The following BRINP3 variants were observed in gnomAD, a reference collection of about 807,000 sequenced individuals.
BRINP3 encodes the protein BMP/retinoic acid-inducible neural-specific protein 3.
BRINP3 carries 19 observed loss-of-function variants against 71.0 expected under a neutral mutation model. That is an observed-to-expected ratio of 0.27 (90% CI 0.19 to 0.39). BRINP3 has a LOEUF of 0.39. BRINP3 is among the 10% of genes least tolerant of loss of function. BRINP3 has a pLI of 1.00. For missense variants in BRINP3, 959 were observed against 940.8 expected, an observed-to-expected ratio of 1.02 and a Z score of -0.25; for synonymous variants, 380 against 337.7, an observed-to-expected ratio of 1.13 and a Z score of -1.37.
At chr1:190,112,344 G>A (rs1293300972) in intron 7 of BRINP3, among the ~76,000 whole-genome samples, 1 of 152,084 alleles carries the variant, frequency 6.6e-6, no homozygotes, top group African/African-American at 2.4e-5. Flanking sequence ...GAGAGTATAT[G>A]CTATTTGCTT....
intron 5 of BRINP3, among the ~76,000 whole-genome samples, chr1:190,228,672 C>T (rs1280679159): frequency 6.6e-6 from 1 of 151,890 alleles, no homozygotes; most frequent in Non-Finnish European, 1.5e-5. Flanking sequence ...GGACGCAGCG[C>T]TCAAAACACT....
chr1:190,379,436 A>AG (rs1670378948), intron 2 of BRINP3, among the ~76,000 whole-genome samples: 2 of 152,166 alleles, frequency 1.3e-5, no homozygotes, highest in South Asian at 4.1e-4. Flanking sequence ...CTATGGAGGA[A>AG]GAAAAAAAAT....
intron 6 of BRINP3, among the ~76,000 whole-genome samples, chr1:190,215,348 T>A (rs2102664786): frequency 6.6e-6 from 1 of 151,970 alleles, no homozygotes; most frequent in African/African-American, 2.4e-5. Context: ...TACTTTACTG[T>A]CAAAGAAGGA....
At chr1:190,357,873 G>A (rs1028530577) in intron 2 of BRINP3, among the ~76,000 whole-genome samples, 4 of 151,872 alleles carry the variant, frequency 2.6e-5, no homozygotes, top group Non-Finnish European at 5.9e-5. Context: ...ACAACCATCT[G>A]ATCTTTGACA....
Position 190,264,919 on chromosome 1 carries a change from C to G in BRINP3, c.564G>C (p.Arg188Ser), listed in dbSNP as rs530069550. The change falls in exon 4 of 8, where the codon AGG becomes AGC. Residue 188 changes from arginine (R) to serine (S), a missense_variant. Transcript: ENST00000367462. The stretch of plus-strand genomic sequence containing the variant: ...GGTGAAGTCTCCGAAGGGTGCTGTC[C>G]CTGTCAATGAAATAAGAAGCGGCTA... ...HQLAASYFID[R>S]DSTLRRLHHI... is the part of the protein sequence containing the mutation. 2 of 1,613,686 alleles carry G rather than the reference C, an allele frequency of 1.2e-6. No homozygotes were observed. Among genetic ancestry groups the G allele is most frequent in the African/African-American group, 2.7e-5 (2 of 74,956 alleles).
intron 1 of BRINP3, chr1:190,474,703 A>G (rs1427453642): frequency 6.6e-6 from 1 of 152,196 alleles, no homozygotes; most frequent in Non-Finnish European, 1.5e-5. Context: ...TCCTGTTACA[A>G]GGAGGTTCCT....
chr1:190,137,502 G>T (rs187263488), intron 7 of BRINP3, among the ~76,000 whole-genome samples: 1 of 151,440 alleles, frequency 6.6e-6, no homozygotes, highest in Non-Finnish European at 1.5e-5. Context: ...GGGGAAGGAA[G>T]TACAATACAA....
rs149260755 is a variant in BRINP3, at chr1:190,292,535, C to T, written c.237-10785G>A. Among the ~76,000 whole-genome samples, 483 of 152,116 alleles carry T rather than the reference C, an allele frequency of 3.2e-3. 1 individual carries two copies. The highest frequency in any genetic ancestry group is 0.011 in the African/African-American group (464 of 41,488). ...TGGTGGCATTTGCCTGTAGTCCTAT[C>T]TACTCAAGAGGCTGAGAAGGGAAGG... On this transcript the variant is annotated intron_variant, in intron 2 of 7. Coordinates refer to ENST00000367462, the MANE Select transcript of BRINP3 (RefSeq NM_199051.3).
At chr1:190,471,526 G>T (rs985115073) in intron 1 of BRINP3, among the ~76,000 whole-genome samples, 2 of 151,322 alleles carry the variant, frequency 1.3e-5, no homozygotes, top group Admixed American at 1.3e-4. Flanking sequence ...ACTTCGAAGT[G>T]TCTAAATAAG....
intron 7 of BRINP3, among the ~76,000 whole-genome samples, chr1:190,115,497 T>C (rs549539103): frequency 6.6e-6 from 1 of 152,260 alleles, no homozygotes; most frequent in Non-Finnish European, 1.5e-5. Flanking sequence ...AAGATGTTTC[T>C]CATCTATAAA....
chr1:190,390,222 G>A (rs551869925), intron 2 of BRINP3, among the ~76,000 whole-genome samples: 21 of 151,794 alleles, frequency 1.4e-4, no homozygotes, highest in African/African-American at 5.1e-4. Flanking sequence ...AAAGGAAAGA[G>A]GGTGGGATGG....
At chr1:190,109,624 A>G (rs1292431289) in intron 7 of BRINP3, among the ~76,000 whole-genome samples, 1 of 152,232 alleles carries the variant, frequency 6.6e-6, no homozygotes, top group Non-Finnish European at 1.5e-5. Flanking sequence ...GGACTGAATA[A>G]AGAAGATGTG....
chr1:190,466,921 T>A (rs1676794608), intron 1 of BRINP3, among the ~76,000 whole-genome samples: 2 of 151,582 alleles, frequency 1.3e-5, no homozygotes, highest in African/African-American at 4.8e-5. Context: ...TGGAAATGTT[T>A]CCATTAAAAA....
At chr1:190,149,669 G>C (rs1656215037) in intron 7 of BRINP3, among the ~76,000 whole-genome samples, 1 of 151,338 alleles carries the variant, frequency 6.6e-6, no homozygotes, top group Non-Finnish European at 1.5e-5. Context: ...GTGAGAGAGA[G>C]AGACCTGGTA....
chr1:190,443,804 C>T (rs1425633932), intron 2 of BRINP3, among the ~76,000 whole-genome samples: 1 of 152,166 alleles, frequency 6.6e-6, no homozygotes, highest in African/African-American at 2.4e-5. Flanking sequence ...CAGAACTTAC[C>T]TACCCTGGCC....
At chr1:190,238,498 C>CA (rs1658738709) in intron 4 of BRINP3, among the ~76,000 whole-genome samples, 1 of 151,722 alleles carries the variant, frequency 6.6e-6, no homozygotes, top group Non-Finnish European at 1.5e-5. Context: ...ACTCACTTGA[C>CA]AAAAAAGATA....
chr1:190,313,176 T>C (rs552941095), intron 2 of BRINP3, among the ~76,000 whole-genome samples: 83 of 152,070 alleles, frequency 5.5e-4, no homozygotes, highest in Non-Finnish European at 1.0e-3. Flanking sequence ...ATAGATAAAA[T>C]TGGCTAACTA....
At chr1:190,444,168 G>A (rs1273921203) in intron 2 of BRINP3, among the ~76,000 whole-genome samples, 13 of 148,494 alleles carry the variant, frequency 8.8e-5, no homozygotes. Flanking sequence ...AGGAGGTGGA[G>A]GAGGTTGCAG....
At chr1:190,160,627 G>T (rs12079649) in intron 7 of BRINP3, 41 bp downstream of exon 7, 1 of 1,534,676 alleles carries the variant, frequency 6.5e-7, no homozygotes, top group Admixed American at 2.0e-5. Context: ...TCACTTTTTC[G>T]GCAATAAACT....
Sources: allele counts gnomAD v4.1 joint callset (sites outside exome capture counted in the v4.1 genomes callset), GRCh38; gene constraint gnomAD v4.1.1; transcripts MANE v1.5; gene names NCBI Gene and HGNC (gene_info 2026-07-23, HGNC 2026-07-21).